Variants in CAMK1D observed in about 807,000 individuals in gnomAD.
CAMK1D encodes the protein calcium/calmodulin-dependent protein kinase type 1D.
A neutral mutation model predicts 47.7 loss-of-function variants in CAMK1D; 9 were observed. The observed-to-expected ratio is 0.19, with a 90% confidence interval of 0.11 to 0.33. CAMK1D has a LOEUF of 0.33. CAMK1D is among the 10% of genes least tolerant of loss of function. CAMK1D has a pLI of 1.00. For missense variants in CAMK1D, 291 were observed against 488.7 expected (o/e 0.60, Z 3.81); for synonymous variants, 184 against 184.9 (o/e 0.99, Z 0.04).
At chr10:12,603,595 G>A (rs1330967196) in intron 2 of CAMK1D, among the ~76,000 whole-genome samples, 7 of 152,122 alleles carry the variant, frequency 4.6e-5, no homozygotes, top group Non-Finnish European at 7.4e-5. Flanking sequence ...TTGAGAACAC[G>A]GCTCCAGGAC....
intron 3 of CAMK1D, among the ~76,000 whole-genome samples, chr10:12,706,741 C>CAA (rs764894832): frequency 8.8e-5 from 10 of 113,792 alleles, no homozygotes; most frequent in East Asian, 2.5e-4. Flanking sequence ...ACCCTGTCTC[C>CAA]AAAAAAAAAA....
intron 1 of CAMK1D, among the ~76,000 whole-genome samples, chr10:12,400,446 C>T (rs1001823214): frequency 8.5e-5 from 13 of 152,220 alleles, no homozygotes; most frequent in East Asian, 1.9e-4. Context: ...CTTATATCAC[C>T]GGAAGATAAA....
intron 3 of CAMK1D, among the ~76,000 whole-genome samples, chr10:12,732,052 A>G (rs1834913629): frequency 6.6e-6 from 1 of 152,032 alleles, no homozygotes; most frequent in Non-Finnish European, 1.5e-5. Flanking sequence ...GAACAGCCTG[A>G]CCAGCATGGT....
At chr10:12,605,034 C>A (rs1029584192) in intron 2 of CAMK1D, among the ~76,000 whole-genome samples, 2 of 151,986 alleles carry the variant, frequency 1.3e-5, no homozygotes, top group African/African-American at 4.8e-5. Flanking sequence ...ACTACAGGCA[C>A]CTGCCACCAC....
intron 6 of CAMK1D, among the ~76,000 whole-genome samples, chr10:12,798,872 T>C (rs1420094775): frequency 6.6e-6 from 1 of 152,154 alleles, no homozygotes; most frequent in Non-Finnish European, 1.5e-5. Flanking sequence ...AGGGGCTCTT[T>C]ATTATGGTTT....
intron 1 of CAMK1D, among the ~76,000 whole-genome samples, chr10:12,477,123 AGAG>A (rs1436141187): frequency 6.6e-6 from 1 of 152,124 alleles, no homozygotes; most frequent in African/African-American, 2.4e-5. Flanking sequence ...CACAAGAAGA[AGAG>A]AAGTCCTGGC....
intron 1 of CAMK1D, among the ~76,000 whole-genome samples, chr10:12,401,948 T>C (rs1227393596): frequency 1.3e-5 from 2 of 151,242 alleles, no homozygotes; most frequent in Non-Finnish European, 2.9e-5. Flanking sequence ...CAGGCTGGAG[T>C]ACAGTGGCGC....
intron 6 of CAMK1D, among the ~76,000 whole-genome samples, chr10:12,811,605 G>A (rs1345102416): frequency 1.3e-5 from 2 of 152,104 alleles, no homozygotes; most frequent in African/African-American, 4.8e-5. Context: ...AAAGAGCTAA[G>A]ACCAGAAGAA....
At chr10:12,735,841 G>A (rs892456189) in intron 3 of CAMK1D, among the ~76,000 whole-genome samples, 11 of 151,660 alleles carry the variant, frequency 7.3e-5, no homozygotes, top group African/African-American at 2.7e-4. Flanking sequence ...TTGCGCTCCA[G>A]ATACTCCATT....
chr10:12,612,670 G>A lies in CAMK1D; in HGVS notation c.225-54066G>A, dbSNP rs117747553. ...TGGGTCCTGGATGGGCGTGGAGGTC[G>A]CATATTCCTCTCTGGGTGCAGCTTG... On this transcript the variant is annotated intron_variant, in intron 2 of 10. Coordinates refer to ENST00000619168, the MANE Select transcript of CAMK1D (RefSeq NM_153498.4). Among the ~76,000 whole-genome samples the A allele has an allele frequency of 9.1e-4, 139 of 152,218 alleles. 1 individual carries two copies. The East Asian group carries it at 0.015, about 17-fold the overall frequency.
chr10:12,718,291 T>A (rs1834234042), intron 3 of CAMK1D, among the ~76,000 whole-genome samples: 1 of 152,196 alleles, frequency 6.6e-6, no homozygotes, highest in African/African-American at 2.4e-5. Flanking sequence ...CTATTTGGTT[T>A]CTTTTAAGCA....
intron 1 of CAMK1D, among the ~76,000 whole-genome samples, chr10:12,448,928 T>C (rs910201810): frequency 2.0e-5 from 3 of 151,438 alleles, no homozygotes; most frequent in Admixed American, 6.6e-5. Context: ...CCCTGGTTAC[T>C]TCATCAATGT....
chr10:12,751,390 A>G lies in CAMK1D; in HGVS notation c.300-9558A>G, dbSNP rs190374065. 3.9e-3 allele frequency among the ~76,000 whole-genome samples: 598 copies of G among 152,302 alleles called. 10 individuals carry two copies. The highest frequency in any genetic ancestry group is 0.018 in the Admixed American group (281 of 15,302). ...CATCTCAGCCTCCCAAAGTGCTAGG[A>G]ATACAGGAGCTCCACCCCGCTTGGC... On this transcript the variant is annotated intron_variant, in intron 3 of 10. Coordinates refer to ENST00000619168, the MANE Select transcript of CAMK1D (RefSeq NM_153498.4).
At position 12,739,320 on chromosome 10, in the gene CAMK1D, C is replaced by G. The variant is rs538234411; in HGVS notation, c.300-21628C>G. 3.4e-4 allele frequency among the ~76,000 whole-genome samples: 51 copies of G among 151,884 alleles called. No homozygotes were observed. The East Asian group carries it at 7.2e-3, about 21-fold the overall frequency. ...ACAGAGTCTTGCTCTGTTGCTCAGG[C>G]TGTGGAGCACAGTTGCGCCATCTTG... On this transcript the variant is annotated intron_variant, in intron 3 of 10. Coordinates refer to ENST00000619168, the MANE Select transcript of CAMK1D (RefSeq NM_153498.4).
intron 1 of CAMK1D, among the ~76,000 whole-genome samples, chr10:12,357,751 G>A (rs1160169705): frequency 6.6e-6 from 1 of 152,142 alleles, no homozygotes; most frequent in Non-Finnish European, 1.5e-5. Flanking sequence ...GAGGACACGT[G>A]GACTCCGGGA....
At chr10:12,749,125 G>A (rs531533555) in intron 3 of CAMK1D, among the ~76,000 whole-genome samples, 1 of 152,180 alleles carries the variant, frequency 6.6e-6, no homozygotes, top group Non-Finnish European at 1.5e-5. Context: ...CTGGAAGACA[G>A]CTCCTAAATT....
chr10:12,449,738 C>T (rs967987860), intron 1 of CAMK1D, among the ~76,000 whole-genome samples: 3 of 152,166 alleles, frequency 2.0e-5, no homozygotes, highest in African/African-American at 7.2e-5. Context: ...GGCGTGGTGG[C>T]CCACGCCTAT....
chr10:12,416,901 A>ACTC (rs1191034797), intron 1 of CAMK1D, among the ~76,000 whole-genome samples: 1 of 151,654 alleles, frequency 6.6e-6, no homozygotes, highest in Non-Finnish European at 1.5e-5. Context: ...TTGTTGGTAG[A>ACTC]CTCCCTAAAA....
intron 1 of CAMK1D, among the ~76,000 whole-genome samples, chr10:12,420,283 C>T (rs376990480): frequency 2.6e-5 from 4 of 152,156 alleles, no homozygotes; most frequent in East Asian, 1.9e-4. Flanking sequence ...TTAAAAAATA[C>T]GGTATTTTAG....
Sources: allele counts gnomAD v4.1 joint callset (sites outside exome capture counted in the v4.1 genomes callset), GRCh38; gene constraint gnomAD v4.1.1; transcripts MANE v1.5; gene names NCBI Gene and HGNC (gene_info 2026-07-23, HGNC 2026-07-21).